FRA10AC1: variants seen among roughly 807,000 people sequenced by gnomAD.
FRA10AC1 encodes FRA10A associated CGG repeat 1.
Under a neutral mutation model 56.5 loss-of-function variants are expected in FRA10AC1, and 43 were observed. The ratio of observed to expected loss-of-function variants is 0.76; its 90% CI spans 0.60 to 0.98. FRA10AC1 has a LOEUF of 0.98. Among genes scored for constraint, FRA10AC1 ranks in the 50% least tolerant of loss-of-function variants. FRA10AC1 has a pLI of 0.00. For synonymous variants in FRA10AC1, 112 were observed against 110.5 expected, an observed-to-expected ratio of 1.01 and a Z score of -0.09; for missense variants, 346 against 351.8, an observed-to-expected ratio of 0.98 and a Z score of 0.13.
chr10:93,670,882 T>TA, intron 12 of FRA10AC1, 34 bp from the exon 13 acceptor site: 1 of 1,389,786 alleles, frequency 7.2e-7, no homozygotes, highest in Non-Finnish European at 1.0e-6. Context: ...TTTAAAAACC[T>TA]ATTATACTTA....
chr10:93,693,919 C>G (rs1323671974), intron 5 of FRA10AC1, among the ~76,000 whole-genome samples: 2 of 151,434 alleles, frequency 1.3e-5, no homozygotes, highest in African/African-American at 4.9e-5. Flanking sequence ...TTTAGGGACT[C>G]AATGTGGGGG....
chr10:93,698,438 G>T, intron 2 of FRA10AC1, 42 bp from the exon 3 acceptor site: 3 of 1,143,488 alleles, frequency 2.6e-6, no homozygotes, highest in South Asian at 1.4e-5. Flanking sequence ...TTTTTTCAAA[G>T]GTTATTTTCT....
Position 93,685,359 on chromosome 10 carries a change from C to A in FRA10AC1, c.512G>T (p.Gly171Val). The change falls in exon 9 of 14, where the codon GGT becomes GTT. Residue 171 changes from glycine to valine, a missense_variant and splice_region_variant. Transcript: ENST00000359204. ...ATATTTATTTCCACAGAAAAATTGA[C>A]CTGCAGAAAGGAAAGGAATATTAGC... ...RVEKEVISGK[G>V]QFFCGNKYCD... is the part of the protein sequence containing the mutation. The A allele has an allele frequency of 7.3e-7, 1 of 1,361,038 alleles. No individual in the cohort carries two copies. The highest frequency in any genetic ancestry group is 1.0e-6 in the Non-Finnish European group (1 of 956,272). The allele number at this position is 1,361,038 out of a possible 1,614,324, so 84.3% of individuals were successfully genotyped here. A position where few individuals can be genotyped will look rare whatever the true frequency, so the allele number is the denominator to read the frequency against.
intron 7 of FRA10AC1, 155 bp downstream of exon 7, chr10:93,691,854 A>C: frequency 1.4e-6 from 1 of 721,164 alleles, no homozygotes; most frequent in South Asian, 2.3e-5. Context: ...CCACAGCTGC[A>C]GAGGTTAAAT....
At chr10:93,691,414 C>T (rs1351000677) in intron 7 of FRA10AC1, among the ~76,000 whole-genome samples, 1 of 152,092 alleles carries the variant, frequency 6.6e-6, no homozygotes, top group Non-Finnish European at 1.5e-5. Context: ...TGGCCTCAAG[C>T]AATCTTCCTG....
chr10:93,673,341 C>G, intron 12 of FRA10AC1: 3 of 456,602 alleles, frequency 6.6e-6, no homozygotes, highest in South Asian at 4.6e-5. Flanking sequence ...TCACTCTTCT[C>G]CCAGGTAAAC....
chr10:93,675,887 GCTA>G (rs999353663), intron 12 of FRA10AC1, among the ~76,000 whole-genome samples: 1 of 152,132 alleles, frequency 6.6e-6, no homozygotes, highest in African/African-American at 2.4e-5. Flanking sequence ...TAGATTCAAA[GCTA>G]CTGTTTGTTA....
chr10:93,674,644 G>A (rs1449292319), intron 12 of FRA10AC1: 1 of 152,182 alleles, frequency 6.6e-6, no homozygotes, highest in Non-Finnish European at 1.5e-5. Context: ...TGACTTAGCT[G>A]AGGAGAGGTA....
At chr10:93,670,687 T>C in intron 13 of FRA10AC1, 83 bp downstream of exon 13, 1 of 871,364 alleles carries the variant, frequency 1.1e-6, no homozygotes, top group Non-Finnish European at 1.9e-6. Context: ...CATGATGTTG[T>C]ATTTTTCCAT....
rs117541318 is a variant in FRA10AC1 at position 93,683,926 on chromosome 10, T to C, written c.668+130A>G. ...CCTCGTTTATGTAGCCATACGACAA[T>C]GCCACATTTTCTACATGATCAACCA... On this transcript the variant is annotated intron_variant, in intron 10 of 13. Coordinates refer to ENST00000359204, the MANE Select transcript of FRA10AC1 (RefSeq NM_145246.5). 1.7e-3 allele frequency: 1,142 copies of C among 668,556 alleles called. 2 individuals carry two copies. The highest frequency in any genetic ancestry group is 2.6e-3 in the Non-Finnish European group (985 of 378,370). 41.4% of individuals were successfully genotyped at this position (668,556 alleles called of 1,614,324 possible). A position where few individuals can be genotyped will look rare whatever the true frequency, so the allele number is the denominator to read the frequency against.
rs2058729083 is a variant in FRA10AC1 at position 93,669,622 on chromosome 10, T to C, written c.*204A>G. 1 of 543,636 alleles carries C rather than the reference T, an allele frequency of 1.8e-6. No homozygotes were observed. The highest frequency in any genetic ancestry group is 3.3e-6 in the Non-Finnish European group (1 of 304,916). 33.7% of individuals were successfully genotyped at this position (543,636 alleles called of 1,614,324 possible). On this transcript the variant is annotated 3_prime_UTR_variant, in exon 14 of 14. Coordinates refer to ENST00000359204, the MANE Select transcript of FRA10AC1 (RefSeq NM_145246.5). ...AATTGTAGATAAGCAATTGAAAAGA[T>C]ATTTAAAGGACAGGAAAGTCTTTAA...
At chr10:93,676,596 T>C in intron 12 of FRA10AC1, 57 bp downstream of exon 12, 1 of 1,501,730 alleles carries the variant, frequency 6.7e-7, no homozygotes, top group Non-Finnish European at 8.9e-7. Context: ...TCATGGGAAA[T>C]CTAAATTGCA....
intron 7 of FRA10AC1, among the ~76,000 whole-genome samples, chr10:93,691,668 C>T (rs1476078863): frequency 1.3e-5 from 2 of 152,136 alleles, no homozygotes; most frequent in South Asian, 2.1e-4. Context: ...TGAAATAAGA[C>T]ATTATTCTGT....
chr10:93,699,011 T>C (rs2059283445), intron 2 of FRA10AC1, among the ~76,000 whole-genome samples: 1 of 152,212 alleles, frequency 6.6e-6, no homozygotes, highest in Admixed American at 6.5e-5. Context: ...TTCACAATTG[T>C]GTGTGCTCCA....
At chr10:93,702,894 A>C (rs1431069236), upstream of FRA10AC1, 1 of 424,816 alleles carries the variant, frequency 2.4e-6, no homozygotes, top group African/African-American at 2.1e-5. Context: ...TCTCTCTAGT[A>C]ACCTTAGTAA....
intron 11 of FRA10AC1, among the ~76,000 whole-genome samples, chr10:93,680,137 C>T (rs2058909363): frequency 1.3e-5 from 2 of 152,112 alleles, no homozygotes; most frequent in African/African-American, 2.4e-5. Context: ...AAAGTAGAGA[C>T]TAGTTCTTTC....
intron 10 of FRA10AC1, among the ~76,000 whole-genome samples, 170 bp from the exon 11 acceptor site, chr10:93,681,768 A>G (rs2058939444): frequency 6.6e-6 from 1 of 152,118 alleles, no homozygotes; most frequent in South Asian, 2.1e-4. Flanking sequence ...CTTGTATATT[A>G]ATTAAAATCA....
chr10:93,698,345 A>G lies in FRA10AC1; in HGVS notation c.129T>C (p.His43=). 6.2e-7 allele frequency: 1 copy of G among 1,612,132 alleles called. No individual in the cohort carries two copies. Among genetic ancestry groups the G allele is most frequent in the Non-Finnish European group, 8.5e-7 (1 of 1,178,830 alleles). ...LLQKPFQKEK[H]GKVAHKQVAA... ...CAACTTGTTTATGGGCCACCTTTCC[A>G]TGTTTTTCTTTCTGAAATGGTTTTT... The change falls in exon 3 of 14, where the codon CAT becomes CAC. Residue 43 remains histidine, a synonymous_variant. Coordinates refer to ENST00000359204, the MANE Select transcript of FRA10AC1 (RefSeq NM_145246.5).
Position 93,686,393 on chromosome 10 carries a change from T to C in FRA10AC1, c.511+1011A>G, listed in dbSNP as rs750427076. ...TCCTAACTAGTCTTTTATTCAGTTA[T>C]ATGAATTTAGAGACTACCCATCAAT... On this transcript the variant is annotated intron_variant, in intron 8 of 13. Coordinates refer to ENST00000359204, the MANE Select transcript of FRA10AC1 (RefSeq NM_145246.5). 6.6e-5 allele frequency among the ~76,000 whole-genome samples: 10 copies of C among 151,954 alleles called. No homozygotes were observed. In the South Asian group the frequency reaches 1.4e-3, roughly 22 times the overall value.
Sources: gnomAD v4.1 joint callset for allele counts (sites outside exome capture counted in the v4.1 genomes callset) on GRCh38, gnomAD v4.1.1 for gene constraint, MANE v1.5 for transcripts, NCBI Gene and HGNC (gene_info 2026-07-23, HGNC 2026-07-21) for gene names.